The following MPP2 variants were observed in gnomAD, a reference collection of about 807,000 sequenced individuals.
MPP2 encodes the protein MAGUK p55 subfamily member 2.
Under a neutral mutation model 58.5 loss-of-function variants are expected in MPP2, and 42 were observed. That is an observed-to-expected ratio of 0.72 (90% CI 0.56 to 0.93). The LOEUF is 0.93. MPP2 is among the 40% of genes least tolerant of loss of function. The pLI, the probability that MPP2 is intolerant of heterozygous loss-of-function variation, is 0.00. For missense variants in MPP2, 632 were observed against 760.4 expected (o/e 0.83, Z 1.99); for synonymous variants, 300 against 307.8 (o/e 0.97, Z 0.26).
chr17:43,885,968 G>T (rs2047350110), intron 3 of MPP2, among the ~76,000 whole-genome samples: 1 of 151,950 alleles, frequency 6.6e-6, no homozygotes, highest in South Asian at 2.1e-4. Flanking sequence ...AATTAGCCGG[G>T]CATGTGGCAC....
intron 2 of MPP2, among the ~76,000 whole-genome samples, chr17:43,899,727 C>T (rs982477901): frequency 2.0e-5 from 3 of 151,998 alleles, no homozygotes; most frequent in Admixed American, 6.5e-5. Flanking sequence ...ACTCTCAGCC[C>T]GAAATGGGAC....
Position 43,876,363 on chromosome 17 carries a change from A to G in MPP2, c.*1444T>C, listed in dbSNP as rs972209355. 1.3e-5 allele frequency: 2 copies of G among 152,452 alleles called. No homozygotes were observed. The highest frequency in any genetic ancestry group is 2.4e-5 in the African/African-American group (1 of 41,402). The allele number at this position is 152,452 out of a possible 1,614,324, so 9.4% of individuals were successfully genotyped here. A position where few individuals can be genotyped will look rare whatever the true frequency, so the allele number is the denominator to read the frequency against. Reference sequence around the variant, plus strand: ...TCCCCCCGGAAGGAATGCAGAGAATAATGAAGGATGAGATGCCCAAGTACA... The same window carrying G: ...TCCCCCCGGAAGGAATGCAGAGAATGATGAAGGATGAGATGCCCAAGTACA... On this transcript the variant is annotated 3_prime_UTR_variant, in exon 13 of 13. Coordinates refer to ENST00000269095, the MANE Select transcript of MPP2 (RefSeq NM_005374.5).
rs2047025935 is a variant in MPP2, at chr17:43,879,865, C to T, written c.1270G>A (p.Gly424Ser). 1 of 1,613,926 alleles carries T rather than the reference C, an allele frequency of 6.2e-7. No individual in the cohort carries two copies. Among genetic ancestry groups the T allele is most frequent in the Non-Finnish European group, 8.5e-7 (1 of 1,180,008 alleles). Residue 424 changes from glycine (G) to serine (S), a missense_variant, in exon 11 of 13, where the codon GGC becomes AGC. Physicochemically the swap from Gly to Ser is moderately conservative, Grantham distance 56. Coordinates refer to ENST00000269095, the MANE Select transcript of MPP2 (RefSeq NM_005374.5). The surrounding 1 kb of genome is among the most constrained non-coding windows in gnomAD (Gnocchi z 4.1). ...TCAATACGTGTGCCATACAGGTTGCCCTCGTATTCGCCATGCTCCAGGTAG... is the reference window on the plus strand; with the variant it reads ...TCAATACGTGTGCCATACAGGTTGCTCTCGTATTCGCCATGCTCCAGGTAG... Reference protein sequence around the residue: ...GRYLEHGEYEGNLYGTRIDSI... With the variant: ...GRYLEHGEYESNLYGTRIDSI...
At chr17:43,899,213 C>T (rs1267981319) in intron 2 of MPP2, among the ~76,000 whole-genome samples, 2 of 151,914 alleles carry the variant, frequency 1.3e-5, no homozygotes, top group Non-Finnish European at 1.5e-5. Context: ...TGCCATTGCC[C>T]TCCATCCTGG....
intron 2 of MPP2, 36 bp downstream of exon 2, chr17:43,904,394 C>T: frequency 6.2e-7 from 1 of 1,610,506 alleles, no homozygotes; most frequent in Non-Finnish European, 8.5e-7. Context: ...CCCTCTGAAC[C>T]ACTGAAATAA....
chr17:43,878,031 C>T, intron 12 of MPP2, 48 bp from the exon 13 acceptor site: 2 of 1,560,514 alleles, frequency 1.3e-6, no homozygotes, highest in Non-Finnish European at 1.7e-6. Context: ...CCACAACTCA[C>T]CCCCACTGTC....
At position 43,904,331 on chromosome 17, in the gene MPP2, T is replaced by C. The variant is rs1028298297; in HGVS notation, c.31+99A>G. 1.2e-5 allele frequency: 14 copies of C among 1,122,720 alleles called. No individual in the cohort carries two copies. The East Asian group carries it at 2.4e-4, about 19-fold the overall frequency. The allele number at this position is 1,122,720 out of a possible 1,614,324, so 69.5% of individuals were successfully genotyped here. A position where few individuals can be genotyped will look rare whatever the true frequency, so the allele number is the denominator to read the frequency against. On this transcript the variant is annotated intron_variant, in intron 2 of 12. Coordinates refer to ENST00000269095, the MANE Select transcript of MPP2 (RefSeq NM_005374.5). ...GTAGGGTGGACAGCAGTGGAGCCAG[T>C]TGGTTCTTATCTGGAGCTGTGCAAG...
chr17:43,907,124 C>G (rs2048323319), intron 1 of MPP2: 1 of 970,012 alleles, frequency 1.0e-6, no homozygotes, highest in Non-Finnish European at 1.2e-6. Flanking sequence ...CAGCACGGTT[C>G]TTACGTAATG....
chr17:43,902,656 G>A lies in MPP2; in HGVS notation c.31+1774C>T, dbSNP rs376779987. ...CCTGGCTCACTCCCTTCACTTTCTC[G>A]GAGAGGAGGCACAGAGGAATCATTC... is the stretch of plus-strand genomic sequence containing the variant. On this transcript the variant is annotated intron_variant, in intron 2 of 12. Coordinates refer to ENST00000269095, the MANE Select transcript of MPP2 (RefSeq NM_005374.5). Among the ~76,000 whole-genome samples, 147 of 152,288 alleles carry A rather than the reference G, an allele frequency of 9.7e-4. 1 individual carries two copies. Among genetic ancestry groups the A allele is most frequent in the African/African-American group, 3.2e-3 (134 of 41,550 alleles).
At chr17:43,901,721 G>A (rs1597811185) in intron 2 of MPP2, among the ~76,000 whole-genome samples, 1 of 152,226 alleles carries the variant, frequency 6.6e-6, no homozygotes, top group African/African-American at 2.4e-5. Context: ...GGAAGAGGGA[G>A]CAAGGCTGCA....
intron 2 of MPP2, among the ~76,000 whole-genome samples, chr17:43,900,861 A>G (rs530738499): frequency 6.6e-6 from 1 of 152,074 alleles, no homozygotes; most frequent in Admixed American, 6.5e-5. Context: ...GGCTAACAGG[A>G]AGTTTTGAGG....
chr17:43,908,483 C>A (rs1045472520), upstream of MPP2, among the ~76,000 whole-genome samples: 1 of 152,168 alleles, frequency 6.6e-6, no homozygotes, highest in Non-Finnish European at 1.5e-5. Flanking sequence ...TCCCATAATC[C>A]CAACACTTTG....
intron 3 of MPP2, among the ~76,000 whole-genome samples, chr17:43,889,689 G>C (rs2047517709): frequency 1.3e-5 from 2 of 151,650 alleles, no homozygotes; most frequent in African/African-American, 4.9e-5. Context: ...TAGTGTGTTT[G>C]TCATTCCCTG....
At chr17:43,904,613 G>T in intron 1 of MPP2, 120 bp from the exon 2 acceptor site, 1 of 749,440 alleles carries the variant, frequency 1.3e-6, no homozygotes, top group Non-Finnish European at 2.2e-6. Context: ...TGCCCAGAAA[G>T]TGGGGGTTGG....
At chr17:43,895,136 CAG>C (rs1427393666) in intron 3 of MPP2, among the ~76,000 whole-genome samples, 1 of 151,240 alleles carries the variant, frequency 6.6e-6, no homozygotes, top group Non-Finnish European at 1.5e-5. Flanking sequence ...TTTTTTGAGA[CAG>C]TGTCTCACTC....
chr17:43,894,432 TATATATATATATACACACAC>T (rs1249224219), intron 3 of MPP2, among the ~76,000 whole-genome samples: 47 of 13,012 alleles, frequency 3.6e-3, no homozygotes, highest in African/African-American at 0.012. Flanking sequence ...TATATATATA[TATATATATATATACACACAC>T]ACACACACAC....
chr17:43,900,529 C>T (rs2048046724), intron 2 of MPP2: 1 of 1,547,798 alleles, frequency 6.5e-7, no homozygotes, highest in Non-Finnish European at 8.7e-7. Flanking sequence ...CCAAGGAGAC[C>T]CCGCTGCCTG....
At chr17:43,886,217 C>T (rs2047363082) in intron 3 of MPP2, among the ~76,000 whole-genome samples, 1 of 152,068 alleles carries the variant, frequency 6.6e-6, no homozygotes, top group African/African-American at 2.4e-5. Flanking sequence ...GGTTTTCTGG[C>T]TTTTTATTTA....
intron 3 of MPP2, 104 bp from the exon 4 acceptor site, chr17:43,883,459 C>T: frequency 1.6e-6 from 2 of 1,264,208 alleles, no homozygotes; most frequent in Admixed American, 2.5e-5. Flanking sequence ...CCATCCCACC[C>T]CCCAGCCCCC....
Sources: gnomAD v4.1 joint callset for allele counts (sites outside exome capture counted in the v4.1 genomes callset) on GRCh38, gnomAD v4.1.1 for gene constraint, Gnocchi (gnomAD v3.1) non-coding constraint, MANE v1.5 for transcripts, NCBI Gene and HGNC (gene_info 2026-07-23, HGNC 2026-07-21) for gene names.